PTPRK: variants seen among roughly 807,000 people sequenced by gnomAD.
PTPRK encodes the protein receptor-type tyrosine-protein phosphatase kappa.
A neutral mutation model predicts 178.0 loss-of-function variants in PTPRK; 75 were observed. That is an observed-to-expected ratio of 0.42 (90% CI 0.35 to 0.51). The LOEUF (loss-of-function observed/expected upper bound fraction) is 0.51. Among genes scored for constraint, PTPRK ranks in the 20% least tolerant of loss-of-function variants. The pLI is 0.02. For synonymous variants in PTPRK, 637 were observed against 620.6 expected (o/e 1.03, Z -0.39); for missense variants, 1,441 against 1,797.8 (o/e 0.80, Z 3.59).
chr6:128,293,756 C>G (rs925002622), intron 3 of PTPRK, among the ~76,000 whole-genome samples: 5 of 152,034 alleles, frequency 3.3e-5, no homozygotes, highest in African/African-American at 1.2e-4. Context: ...AGGTTTACTA[C>G]AATTAAATAA....
chr6:128,520,425 C>A lies in PTPRK; in HGVS notation c.-67G>T, dbSNP rs1419792928. On this transcript the variant is annotated 5_prime_UTR_variant, in exon 1 of 30. Transcript: ENST00000368226. ...GCCGGGGGGATCGCCGCGAAATCCA[C>A]GACGGAGGAGCGGGCCGGGCCTCGC... 5 of 1,479,838 alleles carry A rather than the reference C, an allele frequency of 3.4e-6. No homozygotes were observed. The highest frequency in any genetic ancestry group is 4.6e-6 in the Non-Finnish European group (5 of 1,082,418). 91.7% of individuals were successfully genotyped at this position (1,479,838 alleles called of 1,614,324 possible). A position where few individuals can be genotyped will look rare whatever the true frequency, so the allele number is the denominator to read the frequency against.
chr6:128,212,848 GA>G (rs1808463256), intron 6 of PTPRK, among the ~76,000 whole-genome samples: 1 of 151,854 alleles, frequency 6.6e-6, no homozygotes. Flanking sequence ...TAAATAAAAT[GA>G]AAAAAATCAA....
At chr6:128,292,895 C>A (rs147879573) in intron 3 of PTPRK, among the ~76,000 whole-genome samples, 157 of 151,640 alleles carry the variant, frequency 1.0e-3, no homozygotes, top group Non-Finnish European at 1.7e-3. Flanking sequence ...TAAATGAATG[C>A]CTATCTTGCA....
chr6:128,482,363 C>T (rs900679118), intron 1 of PTPRK, among the ~76,000 whole-genome samples: 1 of 152,012 alleles, frequency 6.6e-6, no homozygotes, highest in Admixed American at 6.6e-5. Context: ...GTATTGCTTA[C>T]GCTACTCTGA....
intron 13 of PTPRK, among the ~76,000 whole-genome samples, chr6:128,063,725 A>G (rs763364440): frequency 6.6e-6 from 1 of 152,224 alleles, no homozygotes; most frequent in African/African-American, 2.4e-5. Context: ...GAATTGAAAA[A>G]GTATATTTTT....
At chr6:128,483,861 C>T (rs139213667) in intron 1 of PTPRK, among the ~76,000 whole-genome samples, 5 of 152,256 alleles carry the variant, frequency 3.3e-5, no homozygotes, top group African/African-American at 1.2e-4. Context: ...ATTATGTCTG[C>T]TTGCCATTGT....
intron 1 of PTPRK, among the ~76,000 whole-genome samples, chr6:128,436,918 G>A (rs1441848020): frequency 2.0e-5 from 3 of 152,164 alleles, no homozygotes; most frequent in Admixed American, 6.5e-5. Context: ...GAGATCTGCT[G>A]TACAACGTTA....
At chr6:128,319,755 T>C (rs1369796536) in intron 3 of PTPRK, among the ~76,000 whole-genome samples, 2 of 152,186 alleles carry the variant, frequency 1.3e-5, no homozygotes, top group Admixed American at 1.3e-4. Flanking sequence ...GGAGATTTAA[T>C]GTTTTTCATG....
At chr6:128,423,692 G>T (rs1248358202) in intron 1 of PTPRK, among the ~76,000 whole-genome samples, 1 of 151,946 alleles carries the variant, frequency 6.6e-6, no homozygotes, top group African/African-American at 2.4e-5. Flanking sequence ...GCCAGGAGGG[G>T]TGGTACATGC....
chr6:127,976,548 T>C (rs1774622485), intron 27 of PTPRK, 109 bp downstream of exon 27: 13 of 1,304,262 alleles, frequency 1.0e-5, no homozygotes, highest in South Asian at 2.6e-5. Flanking sequence ...AGGTGGATGA[T>C]ATAGTGCTTA....
intron 3 of PTPRK, among the ~76,000 whole-genome samples, chr6:128,318,029 G>A (rs77136000): frequency 0.01 from 1,586 of 152,176 alleles, 26 homozygotes; most frequent in African/African-American, 0.035. Context: ...GGAAGTTACC[G>A]CTATATGATA....
intron 11 of PTPRK, among the ~76,000 whole-genome samples, chr6:128,073,752 CCTA>C (rs2114967022): frequency 6.6e-6 from 1 of 152,094 alleles, no homozygotes; most frequent in South Asian, 2.1e-4. Context: ...AATGATTCTA[CCTA>C]CTATGATTCT....
At chr6:128,181,479 A>G (rs1801896577) in intron 7 of PTPRK, among the ~76,000 whole-genome samples, 2 of 152,238 alleles carry the variant, frequency 1.3e-5, no homozygotes. Flanking sequence ...TCCTAATTAA[A>G]AAAGAATGGT....
At chr6:128,180,048 AC>A (rs1801670888) in intron 7 of PTPRK, among the ~76,000 whole-genome samples, 1 of 152,106 alleles carries the variant, frequency 6.6e-6, no homozygotes, top group Admixed American at 6.6e-5. Context: ...TATGTTCTGG[AC>A]ACTCTGAACT....
At chr6:128,066,243 T>C (rs1023085803) in intron 12 of PTPRK, among the ~76,000 whole-genome samples, 3 of 152,174 alleles carry the variant, frequency 2.0e-5, no homozygotes, top group Admixed American at 2.0e-4. Flanking sequence ...TGGAATGATA[T>C]GTAGGCAGAA....
chr6:128,091,212 T>A (rs1786885458), intron 7 of PTPRK, among the ~76,000 whole-genome samples: 1 of 152,222 alleles, frequency 6.6e-6, no homozygotes, highest in South Asian at 2.1e-4. Flanking sequence ...TAAATGTTAT[T>A]TGCCAGTCTT....
Position 128,184,653 on chromosome 6 carries a change from G to A in PTPRK, c.941C>T (p.Ala314Val). 6.2e-7 allele frequency: 1 copy of A among 1,613,980 alleles called. No individual in the cohort carries two copies. Among genetic ancestry groups the A allele is most frequent in the Non-Finnish European group, 8.5e-7 (1 of 1,179,952 alleles). Residue 314 changes from alanine (A) to valine (V), a missense_variant, in exon 7 of 30, where the codon GCC (alanine) becomes GTC (valine). Around this residue, in one of 4 missense-constraint regions of PTPRK, gnomAD observed 945 missense variants for 1,080.6 expected, o/e 0.87. Transcript: ENST00000368226. The part of the protein sequence containing the change: ...GPTYLLIQLN[A>V]NSIIGDGPII... ...AGGACCATCGCCAATGATCGAGTTG[G>A]CATTTAGTTGGATCAGCAAATATGT...
intron 13 of PTPRK, among the ~76,000 whole-genome samples, chr6:128,015,733 A>G (rs890012899): frequency 6.6e-6 from 1 of 151,640 alleles, no homozygotes; most frequent in Non-Finnish European, 1.5e-5. Flanking sequence ...ACCATTTCTC[A>G]AATACTCTTT....
chr6:127,982,279 T>TG (rs1249581477), intron 24 of PTPRK, among the ~76,000 whole-genome samples: 2 of 149,742 alleles, frequency 1.3e-5, no homozygotes, highest in African/African-American at 2.5e-5. Context: ...TTATTATTTC[T>TG]TTTTTTTTTC....
Sources: gnomAD v4.1 joint callset for allele counts (sites outside exome capture counted in the v4.1 genomes callset) on GRCh38, gnomAD v4.1.1 for gene constraint, gnomAD v4.1.1 regional missense constraint, MANE v1.5 for transcripts, NCBI Gene and HGNC (gene_info 2026-07-23, HGNC 2026-07-21) for gene names.